ANKFN1: variants seen among roughly 807,000 people sequenced by gnomAD.
ANKFN1 encodes the protein ankyrin repeat and fibronectin type-III domain-containing protein 1.
Under a neutral mutation model 108.7 loss-of-function variants are expected in ANKFN1, and 74 were observed. The ratio of observed to expected loss-of-function variants is 0.68; its 90% CI spans 0.56 to 0.83. ANKFN1 has a LOEUF of 0.83. Among genes scored for constraint, ANKFN1 ranks in the 40% least tolerant of loss-of-function variants. The pLI is 0.00. For synonymous variants in ANKFN1, 547 were observed against 516.2 expected, an observed-to-expected ratio of 1.06 and a Z score of -0.81; for missense variants, 1,505 against 1,382.3, an observed-to-expected ratio of 1.09 and a Z score of -1.41.
intron 18 of ANKFN1, among the ~76,000 whole-genome samples, chr17:56,485,373 T>C (rs1375532417): frequency 6.6e-6 from 1 of 152,182 alleles, no homozygotes; most frequent in Non-Finnish European, 1.5e-5. Context: ...GACCTAATAT[T>C]TCCAGGCAAT....
At chr17:56,386,907 G>A (rs2047293337) in intron 8 of ANKFN1, among the ~76,000 whole-genome samples, 1 of 151,914 alleles carries the variant, frequency 6.6e-6, no homozygotes, top group Admixed American at 6.6e-5. Flanking sequence ...ATGTTAAATT[G>A]TATCATGATT....
intron 4 of ANKFN1, among the ~76,000 whole-genome samples, chr17:56,110,743 A>G (rs1006099781): frequency 6.6e-6 from 1 of 152,208 alleles, no homozygotes. Flanking sequence ...GTAACAATGT[A>G]CTCACCCCAA....
intron 11 of ANKFN1, among the ~76,000 whole-genome samples, chr17:56,453,841 C>T (rs1403284615): frequency 1.3e-5 from 2 of 151,188 alleles, no homozygotes; most frequent in African/African-American, 4.9e-5. Flanking sequence ...TGTTTTCCAG[C>T]TTTCAGGACT....
At chr17:56,503,197 A>G (rs958958906) in intron 20 of ANKFN1, among the ~76,000 whole-genome samples, 1 of 151,414 alleles carries the variant, frequency 6.6e-6, no homozygotes, top group African/African-American at 2.4e-5. Flanking sequence ...AATAGAGGGG[A>G]GGGGGGTGTT....
intron 3 of ANKFN1, among the ~76,000 whole-genome samples, chr17:56,257,627 TGAG>T (rs1346050231): frequency 6.6e-6 from 1 of 152,100 alleles, no homozygotes; most frequent in Non-Finnish European, 1.5e-5. Context: ...TACGGGGAAA[TGAG>T]GACACGGGGC....
At chr17:56,148,666 G>A (rs1908412932), upstream of ANKFN1, among the ~76,000 whole-genome samples, 1 of 152,088 alleles carries the variant, frequency 6.6e-6, no homozygotes, top group African/African-American at 2.4e-5. Flanking sequence ...AAACTTGGTA[G>A]CAGTAGACTT....
At chr17:56,376,876 T>C (rs2144790891) in intron 8 of ANKFN1, among the ~76,000 whole-genome samples, 1 of 152,330 alleles carries the variant, frequency 6.6e-6, no homozygotes, top group East Asian at 1.9e-4. Context: ...CTGACCGTTC[T>C]CAAGGGTTAT....
At chr17:56,405,177 A>G (rs2047884479) in intron 8 of ANKFN1, among the ~76,000 whole-genome samples, 1 of 152,244 alleles carries the variant, frequency 6.6e-6, no homozygotes, top group South Asian at 2.1e-4. Context: ...AGAGACCATC[A>G]GTAGTATCCA....
chr17:56,500,377 G>A (rs1295175948), intron 20 of ANKFN1, among the ~76,000 whole-genome samples: 1 of 145,128 alleles, frequency 6.9e-6, no homozygotes, highest in Admixed American at 7.3e-5. Flanking sequence ...ATTACCAAAG[G>A]AGTCTATGAC....
intron 8 of ANKFN1, among the ~76,000 whole-genome samples, chr17:56,382,873 A>G (rs1437106000): frequency 6.6e-6 from 1 of 152,174 alleles, no homozygotes; most frequent in Non-Finnish European, 1.5e-5. Context: ...CCCACACAAT[A>G]ATAATGGGAG....
At chr17:56,154,789 G>T (rs1908941611) in intron 1 of ANKFN1, among the ~76,000 whole-genome samples, 2 of 152,204 alleles carry the variant, frequency 1.3e-5, no homozygotes, top group South Asian at 4.1e-4. Context: ...TCCATTCATG[G>T]TTGTAGAATT....
At chr17:56,490,433 A>T (rs557819353) in intron 18 of ANKFN1, among the ~76,000 whole-genome samples, 118 of 152,290 alleles carry the variant, frequency 7.7e-4, no homozygotes, top group African/African-American at 2.7e-3. Flanking sequence ...AGGACTCATA[A>T]TAAGTTCAGC....
chr17:56,410,099 T>A (rs2048043217), intron 8 of ANKFN1, among the ~76,000 whole-genome samples: 2 of 152,156 alleles, frequency 1.3e-5, no homozygotes, highest in South Asian at 4.1e-4. Flanking sequence ...ATTGTTGTAT[T>A]TTTTTGAGAC....
chr17:56,387,378 T>C (rs954403982), intron 8 of ANKFN1, among the ~76,000 whole-genome samples: 2 of 152,226 alleles, frequency 1.3e-5, no homozygotes, highest in African/African-American at 4.8e-5. Flanking sequence ...TGTAAACAAT[T>C]TGTAATTTGT....
At chr17:56,420,193 AT>A (rs1258640080) in intron 8 of ANKFN1, among the ~76,000 whole-genome samples, 1 of 152,216 alleles carries the variant, frequency 6.6e-6, no homozygotes, top group Non-Finnish European at 1.5e-5. Flanking sequence ...TGGGAAATGA[AT>A]GAAGGAATGA....
At chr17:56,228,079 C>A in intron 3 of ANKFN1, 122 bp downstream of exon 3, 2 of 750,766 alleles carry the variant, frequency 2.7e-6, no homozygotes. Context: ...GCACACACAG[C>A]CAATCTAACA....
chr17:56,269,169 T>C (rs9899980), intron 3 of ANKFN1, among the ~76,000 whole-genome samples: 9,423 of 152,198 alleles, frequency 0.062, 317 homozygotes, highest in South Asian at 0.11. Context: ...GATAGCTGTT[T>C]AATATGAACC....
Position 56,494,907 on chromosome 17 carries a change from C to T in ANKFN1, c.2427+2554C>T, listed in dbSNP as rs150770363. ...GTGTTCTCAAACTCCTCCCAGAGTT[C>T]CCTGGCTTTATTCCTACTCCCTGAC... On this transcript the variant is annotated intron_variant, in intron 19 of 20. Transcript: ENST00000682825. 9.7e-3 allele frequency among the ~76,000 whole-genome samples: 1,477 copies of T among 152,228 alleles called. 21 individuals are homozygous for T. Among genetic ancestry groups the T allele is most frequent in the African/African-American group, 0.034 (1,394 of 41,538 alleles).
intron 4 of ANKFN1, among the ~76,000 whole-genome samples, chr17:56,088,008 C>T (rs1905347767): frequency 6.6e-6 from 1 of 151,150 alleles, no homozygotes; most frequent in Non-Finnish European, 1.5e-5. Context: ...TTTACTGAGA[C>T]TCAATCCATT....
Sources: allele counts gnomAD v4.1 joint callset (sites outside exome capture counted in the v4.1 genomes callset), GRCh38; gene constraint gnomAD v4.1.1; transcripts MANE v1.5; gene names NCBI Gene and HGNC (gene_info 2026-07-23, HGNC 2026-07-21).